The following NPAS3 variants were observed in gnomAD, a reference collection of about 807,000 sequenced individuals.
NPAS3 encodes neuronal PAS domain protein 3, also known as neuronal PAS domain-containing protein 3.
NPAS3 carries 14 observed loss-of-function variants against 73.1 expected under a neutral mutation model. That is an observed-to-expected ratio of 0.19 (90% CI 0.13 to 0.30). The LOEUF is 0.30. NPAS3 is among the 10% of genes least tolerant of loss of function. The pLI is 1.00. For missense variants in NPAS3, 1,096 were observed against 1,250.0 expected (o/e 0.88, Z 1.86); for synonymous variants, 620 against 541.5 (o/e 1.14, Z -2.01).
intron 2 of NPAS3, among the ~76,000 whole-genome samples, chr14:33,204,527 A>G (rs539049764): frequency 1.3e-5 from 2 of 152,114 alleles, no homozygotes; most frequent in East Asian, 1.9e-4. Context: ...TCTGTGCAAT[A>G]TGTTGATTTG....
At chr14:32,984,898 G>T (rs2038037669) in intron 1 of NPAS3, among the ~76,000 whole-genome samples, 1 of 152,196 alleles carries the variant, frequency 6.6e-6, no homozygotes, top group African/African-American at 2.4e-5. Context: ...TCATTCCTGT[G>T]TTCTAAAAGC....
At chr14:33,438,109 T>A (rs1306446374) in intron 4 of NPAS3, among the ~76,000 whole-genome samples, 2 of 152,188 alleles carry the variant, frequency 1.3e-5, no homozygotes, top group Non-Finnish European at 2.9e-5. Flanking sequence ...GAAATTTTCT[T>A]GATATTTAAA....
intron 5 of NPAS3, among the ~76,000 whole-genome samples, chr14:33,671,523 T>C (rs2059609757): frequency 6.6e-6 from 1 of 152,200 alleles, no homozygotes; most frequent in African/African-American, 2.4e-5. Flanking sequence ...CACTAGTGAC[T>C]ATGGCTTGTC....
At chr14:33,693,446 C>A (rs1479743562) in intron 6 of NPAS3, among the ~76,000 whole-genome samples, 5 of 152,176 alleles carry the variant, frequency 3.3e-5, no homozygotes, top group Non-Finnish European at 7.3e-5. Flanking sequence ...ATCAGACTCA[C>A]ATCTAGAGAC....
At chr14:33,480,193 C>T (rs537630206) in intron 4 of NPAS3, among the ~76,000 whole-genome samples, 40 of 152,202 alleles carry the variant, frequency 2.6e-4, no homozygotes, top group Middle Eastern at 3.4e-3. Flanking sequence ...CTCAACACTT[C>T]GTAACTTTAT....
intron 4 of NPAS3, among the ~76,000 whole-genome samples, chr14:33,544,883 A>G (rs1349194734): frequency 7.3e-6 from 1 of 137,512 alleles, no homozygotes; most frequent in Non-Finnish European, 1.5e-5. Context: ...GTATGTATGT[A>G]TGTATATATT....
At chr14:33,690,345 C>T (rs957509204) in intron 6 of NPAS3, among the ~76,000 whole-genome samples, 2 of 151,854 alleles carry the variant, frequency 1.3e-5, no homozygotes, top group East Asian at 1.9e-4. Context: ...TGCCCAAATG[C>T]CCTGGCCATA....
At chr14:33,493,180 T>A (rs1218188906) in intron 4 of NPAS3, among the ~76,000 whole-genome samples, 1 of 152,184 alleles carries the variant, frequency 6.6e-6, no homozygotes. Flanking sequence ...GGTGGCAAAT[T>A]AAAATGCAAG....
At chr14:33,195,412 A>G (rs530897605) in intron 2 of NPAS3, among the ~76,000 whole-genome samples, 25 of 152,128 alleles carry the variant, frequency 1.6e-4, no homozygotes, top group Non-Finnish European at 3.2e-4. Flanking sequence ...CTGGGATTAC[A>G]GGCGTGCACC....
intron 1 of NPAS3, among the ~76,000 whole-genome samples, chr14:33,027,885 G>A (rs931304571): frequency 5.3e-5 from 8 of 152,118 alleles, no homozygotes; most frequent in African/African-American, 1.7e-4. Context: ...GCTGCTCTCA[G>A]ATAAAACTTT....
chr14:33,325,913 A>G (rs2043684332), intron 3 of NPAS3, among the ~76,000 whole-genome samples: 1 of 152,118 alleles, frequency 6.6e-6, no homozygotes, highest in Admixed American at 6.6e-5. Context: ...GTATAGTTAT[A>G]TTAGTGTTCT....
chr14:33,205,637 TA>T (rs1272454392), intron 2 of NPAS3, among the ~76,000 whole-genome samples: 2 of 152,158 alleles, frequency 1.3e-5, no homozygotes, highest in Non-Finnish European at 2.9e-5. Context: ...CTGTAGTGTT[TA>T]AAAAGGGGAA....
At chr14:32,989,957 G>C (rs1038885318) in intron 1 of NPAS3, among the ~76,000 whole-genome samples, 2 of 151,100 alleles carry the variant, frequency 1.3e-5, no homozygotes, top group Non-Finnish European at 3.0e-5. Context: ...GGGTGGACTT[G>C]ATAAATTATA....
At chr14:33,143,230 G>T (rs530034291) in intron 2 of NPAS3, among the ~76,000 whole-genome samples, 2 of 152,208 alleles carry the variant, frequency 1.3e-5, no homozygotes, top group Admixed American at 6.5e-5. Context: ...GGTGGCTCAC[G>T]CCTGTAATCA....
At position 33,417,561 on chromosome 14, in the gene NPAS3, A is replaced by G. The variant is rs1420367954; in HGVS notation, c.468+50293A>G. On this transcript the variant is annotated intron_variant, in intron 4 of 11. Transcript: ENST00000356141. The stretch of plus-strand genomic sequence containing the variant: ...AGAAGAAAGATATGTTTGGATTCAT[A>G]TTGAATCTTTTCAATTATTTTGAGG... Among the ~76,000 whole-genome samples the G allele has an allele frequency of 3.9e-5, 6 of 152,072 alleles. No individual in the cohort carries two copies. In the East Asian group the frequency reaches 9.6e-4, roughly 24 times the overall value.
chr14:33,676,127 CAG>C (rs1312104924), intron 5 of NPAS3, 82 bp from the exon 6 acceptor site: 1 of 1,365,192 alleles, frequency 7.3e-7, no homozygotes, highest in Admixed American at 2.0e-5. Context: ...CTTTTCTACT[CAG>C]AATCTGAATC....
At chr14:33,497,660 A>G (rs946637093) in intron 4 of NPAS3, among the ~76,000 whole-genome samples, 4 of 152,188 alleles carry the variant, frequency 2.6e-5, no homozygotes, top group Admixed American at 1.3e-4. Flanking sequence ...GAAAACTGAA[A>G]CTGGACCCCT....
At chr14:33,742,707 T>A (rs942038425) in intron 7 of NPAS3, among the ~76,000 whole-genome samples, 2 of 152,206 alleles carry the variant, frequency 1.3e-5, no homozygotes, top group African/African-American at 4.8e-5. Context: ...TTCATGAAGA[T>A]TTCTCTGTAA....
rs576720718 is a variant in NPAS3 at position 33,469,673 on chromosome 14, G to A, written c.469-90448G>A. Among the ~76,000 whole-genome samples, 70 of 152,268 alleles carry A rather than the reference G, an allele frequency of 4.6e-4. 1 individual carries two copies. The highest frequency in any genetic ancestry group is 1.6e-3 in the African/African-American group (68 of 41,562). On this transcript the variant is annotated intron_variant, in intron 4 of 11. Transcript: ENST00000356141. Reference sequence around the variant, plus strand: ...ACCTAGGCTGAGAATTTTTAAGACAGGCTGTTGATAACCCTCGGTGCAGTA... The same window carrying A: ...ACCTAGGCTGAGAATTTTTAAGACAAGCTGTTGATAACCCTCGGTGCAGTA...
Sources: gnomAD v4.1 joint callset for allele counts (sites outside exome capture counted in the v4.1 genomes callset) on GRCh38, gnomAD v4.1.1 for gene constraint, MANE v1.5 for transcripts, NCBI Gene and HGNC (gene_info 2026-07-23, HGNC 2026-07-21) for gene names.